CSTPP1: variants seen among roughly 807,000 people sequenced by gnomAD.
CSTPP1 encodes centriolar satellite-associated tubulin polyglutamylase complex regulator 1, also known as UPF0705 protein C11orf49.
the CSTPP1 span, among the ~76,000 whole-genome samples, chr11:47,013,321 G>A: frequency 6.6e-6 from 1 of 151,840 alleles, no homozygotes; most frequent in Non-Finnish European, 1.5e-5. Context: ...GTGTGCCATG[G>A]TGATTTGCTG....
the CSTPP1 span, among the ~76,000 whole-genome samples, chr11:47,049,833 A>G: frequency 6.6e-6 from 1 of 151,922 alleles, no homozygotes; most frequent in Non-Finnish European, 1.5e-5. Flanking sequence ...GATTTTGTCT[A>G]TAGCTTCCAA....
the CSTPP1 span, among the ~76,000 whole-genome samples, chr11:47,056,714 C>T: frequency 6.6e-6 from 1 of 152,196 alleles, no homozygotes. Flanking sequence ...AACTCCAGAA[C>T]ATCTTTCTAA....
At chr11:47,128,475 A>C in the CSTPP1 span, among the ~76,000 whole-genome samples, 1 of 152,114 alleles carries the variant, frequency 6.6e-6, no homozygotes, top group South Asian at 2.1e-4. Context: ...TTAACATCCT[A>C]GGTTCAAGCC....
the CSTPP1 span, among the ~76,000 whole-genome samples, chr11:47,134,214 G>T: frequency 1.3e-5 from 2 of 151,426 alleles, no homozygotes; most frequent in African/African-American, 4.9e-5. Flanking sequence ...TTTTTTTGAG[G>T]GGGGAAGGAG....
At chr11:47,108,849 G>A in the CSTPP1 span, among the ~76,000 whole-genome samples, 3 of 152,044 alleles carry the variant, frequency 2.0e-5, no homozygotes, top group East Asian at 3.9e-4. Context: ...TGGGATTACA[G>A]GCGCCGGCCA....
chr11:47,001,499 T>G, the CSTPP1 span, among the ~76,000 whole-genome samples: 7 of 152,164 alleles, frequency 4.6e-5, no homozygotes, highest in Non-Finnish European at 7.4e-5. Context: ...ATTCCAATAG[T>G]GCATACCCGT....
chr11:46,992,236 T>A, the CSTPP1 span, among the ~76,000 whole-genome samples: 1 of 151,900 alleles, frequency 6.6e-6, no homozygotes, highest in Non-Finnish European at 1.5e-5. Flanking sequence ...ATTTTTTTTA[T>A]TTATTATTAT....
chr11:47,058,376 G>A, the CSTPP1 span, among the ~76,000 whole-genome samples: 1 of 151,920 alleles, frequency 6.6e-6, no homozygotes, highest in Non-Finnish European at 1.5e-5. Context: ...AAAGAAGCAG[G>A]AAAATACAGC....
chr11:47,054,928 ATTTTTTTTT>A, the CSTPP1 span, among the ~76,000 whole-genome samples: 18 of 68,774 alleles, frequency 2.6e-4, no homozygotes, highest in South Asian at 1.6e-3. Context: ...ATAAATTTCA[ATTTTTTTTT>A]TTTTTTTTTT....
chr11:47,124,357 C>T, the CSTPP1 span, among the ~76,000 whole-genome samples: 164 of 151,868 alleles, frequency 1.1e-3, no homozygotes, highest in African/African-American at 3.6e-3. Flanking sequence ...CTCCTGACCT[C>T]GTGATCTGCC....
At chr11:47,088,736 G>A in the CSTPP1 span, among the ~76,000 whole-genome samples, 1 of 151,950 alleles carries the variant, frequency 6.6e-6, no homozygotes, top group Admixed American at 6.6e-5. Context: ...AATAGAGATG[G>A]GGTTTCACCA....
the CSTPP1 span, among the ~76,000 whole-genome samples, chr11:47,016,390 C>CAAAAAAAAAAAAAAA: frequency 8.4e-4 from 106 of 125,640 alleles, 1 homozygote; most frequent in Non-Finnish European, 1.3e-3. Flanking sequence ...ATGGAATCTA[C>CAAAAAAAAAAAAAAA]AAAAAACAAA....
At chr11:46,943,208 C>T in the CSTPP1 span, among the ~76,000 whole-genome samples, 3 of 152,182 alleles carry the variant, frequency 2.0e-5, no homozygotes, top group African/African-American at 7.2e-5. Context: ...TTATTAAGAA[C>T]TTACTCTGTA....
At chr11:47,033,377 C>T in the CSTPP1 span, among the ~76,000 whole-genome samples, 1 of 152,144 alleles carries the variant, frequency 6.6e-6, no homozygotes, top group Admixed American at 6.5e-5. Flanking sequence ...ACTCTTCTGC[C>T]AGATGGTCTA....
the CSTPP1 span, among the ~76,000 whole-genome samples, chr11:47,068,017 A>G: frequency 6.6e-6 from 1 of 151,812 alleles, no homozygotes; most frequent in Non-Finnish European, 1.5e-5. Context: ...AATGGTAATT[A>G]CTTTTTTTTT....
the CSTPP1 span, among the ~76,000 whole-genome samples, chr11:46,962,011 A>G: frequency 6.6e-6 from 1 of 152,230 alleles, no homozygotes; most frequent in Non-Finnish European, 1.5e-5. Flanking sequence ...TGATAGGAGC[A>G]AGGAGAAGTG....
chr11:46,948,055 G>A, the CSTPP1 span: 2 of 456,054 alleles, frequency 4.4e-6, no homozygotes, highest in African/African-American at 4.0e-5. Flanking sequence ...ACTTTTGAAT[G>A]TAAGATATAT....
At chr11:46,970,662 T>G in the CSTPP1 span, among the ~76,000 whole-genome samples, 1 of 152,098 alleles carries the variant, frequency 6.6e-6, no homozygotes, top group Admixed American at 6.5e-5. Context: ...TTAAAATTTG[T>G]GTACAACAAA....
At chr11:47,048,570 A>G in the CSTPP1 span, among the ~76,000 whole-genome samples, 1 of 152,154 alleles carries the variant, frequency 6.6e-6, no homozygotes, top group Non-Finnish European at 1.5e-5. Context: ...TTAGTGAAAT[A>G]GGCCAGAACG....
Sources: allele counts gnomAD v4.1 joint callset (sites outside exome capture counted in the v4.1 genomes callset), GRCh38; gene constraint gnomAD v4.1.1; transcripts MANE v1.5; gene names NCBI Gene and HGNC (gene_info 2026-07-23, HGNC 2026-07-21).